Variants in B3GNT2 observed in about 807,000 individuals in gnomAD.
B3GNT2 encodes N-acetyllactosaminide beta-1,3-N-acetylglucosaminyltransferase 2.
In B3GNT2, 12 loss-of-function variants were observed where a neutral mutation model predicts 27.6. The ratio of observed to expected loss-of-function variants is 0.44; its 90% confidence interval spans 0.28 to 0.71. The LOEUF (loss-of-function observed/expected upper bound fraction) is 0.71. Ranked by LOEUF, B3GNT2 falls within the 30% of genes least tolerant of loss-of-function variation. The probability of loss-of-function intolerance (pLI) is 0.17; values close to 1 mark genes in which losing one functional copy is unlikely to be tolerated. For synonymous variants in B3GNT2, 192 were observed against 189.7 expected (o/e 1.01, Z -0.10); for missense variants, 413 against 488.5 (o/e 0.85, Z 1.46).
intron 1 of B3GNT2, among the ~76,000 whole-genome samples, chr2:62,210,082 C>T (rs765005012): frequency 3.9e-5 from 6 of 152,162 alleles, no homozygotes; most frequent in South Asian, 2.1e-4. Context: ...AAAAAAAATT[C>T]GATTCCCCCT....
In B3GNT2 at chr2:62,207,565, C is replaced by T. The variant is rs118141960; in HGVS notation, c.-10+11210C>T. Among the ~76,000 whole-genome samples, 64 of 152,284 alleles carry T rather than the reference C, an allele frequency of 4.2e-4. 2 individuals are homozygous for T. In the East Asian group the frequency reaches 0.01, roughly 24 times the overall value. On this transcript the variant is annotated intron_variant, in intron 1 of 1. Transcript: ENST00000301998. ...TGGTTTTGTGAAAGACAGTTTTCCACGGACTCCAGGGTGGGAGGATATGCG... is the reference window on the plus strand; with the variant it reads ...TGGTTTTGTGAAAGACAGTTTTCCATGGACTCCAGGGTGGGAGGATATGCG...
chr2:62,204,501 C>A (rs1486812116), intron 1 of B3GNT2, among the ~76,000 whole-genome samples: 1 of 152,176 alleles, frequency 6.6e-6, no homozygotes, highest in African/African-American at 2.4e-5. Context: ...ATATATTTGT[C>A]TAATAATGAA....
chr2:62,219,274 T>C (rs1156577095), intron 1 of B3GNT2, among the ~76,000 whole-genome samples: 1 of 152,212 alleles, frequency 6.6e-6, no homozygotes, highest in Non-Finnish European at 1.5e-5. Context: ...TTTAAATCCC[T>C]TTACTGAGTT....
chr2:62,222,214 A>T lies in B3GNT2; in HGVS notation c.-7A>T, dbSNP rs1236553562. ...AATACTCCACCCCTTTATTCCAGAT[A>T]TGAGAAATGAGTGTTGGACGTCGAA... On this transcript the variant is annotated splice_region_variant and 5_prime_UTR_variant, in exon 2 of 2. It removes an upstream start codon present in the reference 5' UTR. Coordinates refer to ENST00000301998, the MANE Select transcript of B3GNT2 (RefSeq NM_006577.6). This position sits in a 1 kb window ranked among gnomAD's most constrained non-coding sequence, Gnocchi z 4.2. 1.3e-6 allele frequency: 2 copies of T among 1,585,932 alleles called. No homozygotes were observed. The highest frequency in any genetic ancestry group is 1.7e-6 in the Non-Finnish European group (2 of 1,168,166).
chr2:62,198,850 A>AG (rs756946301), intron 1 of B3GNT2, among the ~76,000 whole-genome samples: 3 of 152,266 alleles, frequency 2.0e-5, no homozygotes, highest in Non-Finnish European at 4.4e-5. Flanking sequence ...TATGTTCTGA[A>AG]GAGAAATATG....
intron 1 of B3GNT2, among the ~76,000 whole-genome samples, chr2:62,220,194 C>T (rs1351823735): frequency 1.3e-5 from 2 of 152,220 alleles, no homozygotes; most frequent in Non-Finnish European, 2.9e-5. Context: ...ATCTTTGCTT[C>T]GAAGTTAAAC....
intron 1 of B3GNT2, chr2:62,206,042 G>A (rs943262806): frequency 2.6e-5 from 4 of 154,320 alleles, no homozygotes; most frequent in African/African-American, 9.6e-5. Context: ...GGGTAAGGAT[G>A]GAGAGAAGCA....
chr2:62,216,866 C>T (rs1667015455), intron 1 of B3GNT2, among the ~76,000 whole-genome samples: 1 of 152,254 alleles, frequency 6.6e-6, no homozygotes, highest in Non-Finnish European at 1.5e-5. Flanking sequence ...ACGTGAGTCA[C>T]TGTCTGTTTT....
intron 1 of B3GNT2, among the ~76,000 whole-genome samples, chr2:62,201,784 G>C (rs958691295): frequency 3.3e-5 from 5 of 152,206 alleles, no homozygotes; most frequent in African/African-American, 4.8e-5. Flanking sequence ...CCTTCTAAGT[G>C]CTCATTTCTT....
chr2:62,217,900 A>T (rs1674605940), intron 1 of B3GNT2, among the ~76,000 whole-genome samples: 2 of 152,212 alleles, frequency 1.3e-5, no homozygotes, highest in Admixed American at 1.3e-4. Context: ...TTTTCATTTC[A>T]TTAAACAAAA....
chr2:62,209,923 G>A (rs1674448477), intron 1 of B3GNT2, among the ~76,000 whole-genome samples: 1 of 152,186 alleles, frequency 6.6e-6, no homozygotes, highest in African/African-American at 2.4e-5. Context: ...TCAAAACTGA[G>A]TCATCACAAA....
chr2:62,201,409 A>G (rs927296725), intron 1 of B3GNT2, among the ~76,000 whole-genome samples: 6 of 152,240 alleles, frequency 3.9e-5, no homozygotes, highest in Non-Finnish European at 7.3e-5. Context: ...AGAGTCATCA[A>G]TAAGTGCCCA....
intron 1 of B3GNT2, among the ~76,000 whole-genome samples, chr2:62,213,011 T>C (rs1194916176): frequency 6.6e-6 from 1 of 152,150 alleles, no homozygotes; most frequent in African/African-American, 2.4e-5. Context: ...TGGAAGCATT[T>C]ACCAAGCCAC....
intron 1 of B3GNT2, among the ~76,000 whole-genome samples, chr2:62,213,866 A>G (rs1674524025): frequency 6.6e-6 from 1 of 152,228 alleles, no homozygotes; most frequent in East Asian, 1.9e-4. Flanking sequence ...TCTACTGAAC[A>G]CTGTGTTCAG....
chr2:62,222,926 C>T lies in B3GNT2; in HGVS notation c.706C>T (p.Pro236Ser), dbSNP rs142459477. 6.2e-7 allele frequency: 1 copy of T among 1,614,102 alleles called. No individual in the cohort carries two copies. Among genetic ancestry groups the T allele is most frequent in the South Asian group, 1.1e-5 (1 of 91,070 alleles). Residue 236 changes from proline (P) to serine (S), a missense_variant, in exon 2 of 2, where the codon CCA becomes TCA. Physicochemically the swap from Pro to Ser is moderately conservative, Grantham distance 74 (BLOSUM62 -1). Coordinates refer to ENST00000301998, the MANE Select transcript of B3GNT2 (RefSeq NM_006577.6). The surrounding 1 kb of genome is among the most constrained non-coding windows in gnomAD (Gnocchi z 4.2). ...LFLRWVSTSCPDTEFVFKGDD... is the reference protein window; with the variant it reads ...LFLRWVSTSCSDTEFVFKGDD... ...TCTCAGGTGGGTAAGTACTTCCTGC[C>T]CAGACACTGAGTTTGTTTTCAAGGG... is the stretch of plus-strand genomic sequence containing the variant.
intron 1 of B3GNT2, among the ~76,000 whole-genome samples, chr2:62,200,735 T>A (rs1159006472): frequency 6.6e-6 from 1 of 152,218 alleles, no homozygotes; most frequent in Non-Finnish European, 1.5e-5. Context: ...GAACTGTTAT[T>A]CTTTCTTACA....
At chr2:62,209,888 GTC>G (rs1279350909) in intron 1 of B3GNT2, among the ~76,000 whole-genome samples, 2 of 152,198 alleles carry the variant, frequency 1.3e-5, no homozygotes, top group Non-Finnish European at 2.9e-5. Flanking sequence ...AGCCCCAGCA[GTC>G]TCTCATCCTT....
rs1674769432 is a variant in B3GNT2, at chr2:62,223,687, A to T, written c.*273A>T. The T allele has an allele frequency of 6.6e-6, 2 of 301,476 alleles. No individual in the cohort carries two copies. Among genetic ancestry groups the T allele is most frequent in the South Asian group, 7.8e-5 (1 of 12,850 alleles). The allele number at this position is 301,476 out of a possible 1,614,324, so 18.7% of individuals were successfully genotyped here. A position where few individuals can be genotyped will look rare whatever the true frequency, so the allele number is the denominator to read the frequency against. On this transcript the variant is annotated 3_prime_UTR_variant, in exon 2 of 2. Coordinates refer to ENST00000301998, the MANE Select transcript of B3GNT2 (RefSeq NM_006577.6). ...AAAAAACTTGTACCCTCTTATCTGA[A>T]ATCCTGTTTCTGGAATTTGGCCATT... is the stretch of plus-strand genomic sequence containing the variant.
At chr2:62,221,542 C>T (rs1274945251) in intron 1 of B3GNT2, among the ~76,000 whole-genome samples, 1 of 152,160 alleles carries the variant, frequency 6.6e-6, no homozygotes, top group Non-Finnish European at 1.5e-5. Flanking sequence ...TAGGGTCAGA[C>T]ATGCCTATAA....
Sources: allele counts gnomAD v4.1 joint callset (sites outside exome capture counted in the v4.1 genomes callset), GRCh38; gene constraint gnomAD v4.1.1; non-coding constraint Gnocchi (gnomAD v3.1); transcripts MANE v1.5; gene names NCBI Gene and HGNC (gene_info 2026-07-23, HGNC 2026-07-21).